AKAP8: variants seen among roughly 807,000 people sequenced by gnomAD.
AKAP8 encodes A-kinase anchor protein 8.
In AKAP8, 24 loss-of-function variants were observed where a neutral mutation model predicts 67.5. That is an observed-to-expected ratio of 0.36 (90% confidence interval 0.26 to 0.50). AKAP8 has a LOEUF of 0.50. Ranked by LOEUF, AKAP8 falls within the 20% of genes least tolerant of loss-of-function variation. The pLI is 0.97. For missense variants in AKAP8, 971 were observed against 955.9 expected (o/e 1.02, Z -0.21); for synonymous variants, 400 against 371.1 (o/e 1.08, Z -0.90).
chr19:15,359,210 A>G (rs749519685), intron 12 of AKAP8, 148 bp from the exon 13 acceptor site: 65 of 697,888 alleles, frequency 9.3e-5, no homozygotes, highest in Middle Eastern at 7.5e-4. Context: ...AGAAGGCTCC[A>G]GAGACTGTGC....
At chr19:15,376,200 G>A (rs1041381467) in intron 2 of AKAP8, among the ~76,000 whole-genome samples, 2 of 152,182 alleles carry the variant, frequency 1.3e-5, no homozygotes, top group African/African-American at 2.4e-5. Context: ...GATTGCAGGC[G>A]TGTGCTGCCT....
chr19:15,371,632 G>T (rs891520733), intron 7 of AKAP8, among the ~76,000 whole-genome samples: 1 of 151,950 alleles, frequency 6.6e-6, no homozygotes, highest in South Asian at 2.1e-4. Flanking sequence ...GCTACTACAG[G>T]CAAGTGCCAC....
At chr19:15,378,442 T>TA (rs543309353) in intron 1 of AKAP8, among the ~76,000 whole-genome samples, 20 of 150,410 alleles carry the variant, frequency 1.3e-4, no homozygotes, top group Non-Finnish European at 1.9e-4. Context: ...GAAGAGGGGG[T>TA]AAAAAAAACC....
At position 15,361,816 on chromosome 19, in the gene AKAP8, T is replaced by C; in HGVS notation, c.1309A>G (p.Ile437Val). 2 of 1,613,614 alleles carry C rather than the reference T, an allele frequency of 1.2e-6. No individual in the cohort carries two copies. Among genetic ancestry groups the C allele is most frequent in the Non-Finnish European group, 1.7e-6 (2 of 1,179,536 alleles). Residue 437 changes from isoleucine (I) to valine (V), a missense_variant, in exon 11 of 14, where the codon ATT (isoleucine) becomes GTT (valine). Around this residue, in one of 3 missense-constraint regions of AKAP8, gnomAD observed 763 missense variants for 745.4 expected, o/e 1.02. Coordinates refer to ENST00000269701, the MANE Select transcript of AKAP8 (RefSeq NM_005858.4). ...TCAATTTTCTTATTTCTGTTTACAA[T>C]GTATTCCTAGGTGGGATTGGAGAGG... The part of the protein sequence containing the change: ...DKTVEFLQEY[I>V]VNRNKKIEKR...
At position 15,373,809 on chromosome 19, in the gene AKAP8, C is replaced by G; in HGVS notation, c.348G>C (p.Gly116=). The G allele has an allele frequency of 6.2e-7, 1 of 1,610,542 alleles. No homozygotes were observed. The change falls in exon 4 of 14, where the codon GGG becomes GGC. Residue 116 remains glycine, a synonymous_variant. Coordinates refer to ENST00000269701, the MANE Select transcript of AKAP8 (RefSeq NM_005858.4). ...ACCTCTCCCGGTCCTGTATGCCCTC[C>G]CCACCGCCGCCGCTCCCGCCCCTGC... is the stretch of plus-strand genomic sequence containing the variant. ...EGGRGGSGGG[G]EGIQDRESSF... is the part of the protein sequence containing the mutation.
rs1008821242 is a variant in AKAP8 at position 15,354,168 on chromosome 19, A to G, written c.*747T>C. ...CTGGCCAAATTCTCTTTGTAAATAC[A>G]TTTGAGTGGTAGTAACTAATTTTAA... On this transcript the variant is annotated 3_prime_UTR_variant, in exon 14 of 14. Coordinates refer to ENST00000269701, the MANE Select transcript of AKAP8 (RefSeq NM_005858.4). 2 of 152,088 alleles carry G rather than the reference A, an allele frequency of 1.3e-5. No homozygotes were observed. Among genetic ancestry groups the G allele is most frequent in the Admixed American group, 6.6e-5 (1 of 15,218 alleles). The allele number at this position is 152,088 out of a possible 1,614,324, so 9.4% of individuals were successfully genotyped here.
In AKAP8 at chr19:15,371,491, C is replaced by CT. The variant is rs969928262; in HGVS notation, c.1038+460dup. Among the ~76,000 whole-genome samples, 1,216 of 144,032 alleles carry CT rather than the reference C, an allele frequency of 8.4e-3. 10 individuals carry two copies. Among genetic ancestry groups the CT allele is most frequent in the African/African-American group, 0.016 (612 of 39,434 alleles). The allele number at this position is 144,032 out of a possible 152,430, so 94.5% of individuals were successfully genotyped here. A position where few individuals can be genotyped will look rare whatever the true frequency, so the allele number is the denominator to read the frequency against. On this transcript the variant is annotated intron_variant, in intron 7 of 13. Coordinates refer to ENST00000269701, the MANE Select transcript of AKAP8 (RefSeq NM_005858.4). ...AGGAATGTTTGTTGTAAGTTGAAAA[C>CT]TTTTTTTTTTTTTTTGAGACGGAGT...
At chr19:15,374,559 G>T in intron 3 of AKAP8, 44 bp downstream of exon 3, 7 of 1,604,264 alleles carry the variant, frequency 4.4e-6, no homozygotes, top group Non-Finnish European at 6.0e-6. Flanking sequence ...TCAGATCAGA[G>T]GCCCACTTGC....
rs933036638 is a variant in AKAP8 at position 15,368,247 on chromosome 19, C to T, written c.1148G>A (p.Arg383His). Residue 383 changes from arginine to histidine, a missense_variant, in exon 9 of 14, where the codon CGT becomes CAT. By Grantham distance (29) the Arg-to-His change is conservative. This residue lies in a region of AKAP8 where 763 missense variants were observed against 745.4 expected (regional missense o/e 1.02). Transcript: ENST00000269701. Reference sequence around the variant, plus strand: ...GCCCGCGCCTCACCTGTCGGCTGCACGGTCCCGCGTCCTGTCTCTTCTCCT... The same window carrying T: ...GCCCGCGCCTCACCTGTCGGCTGCATGGTCCCGCGTCCTGTCTCTTCTCCT... ...KQRRRDRTRD[R>H]AADRIQFACS... 3.1e-5 allele frequency: 50 copies of T among 1,612,314 alleles called. No individual in the cohort carries two copies. Among genetic ancestry groups the T allele is most frequent in the Non-Finnish European group, 3.9e-5 (46 of 1,179,934 alleles).
chr19:15,371,815 T>A (rs1311063179), intron 7 of AKAP8, 137 bp downstream of exon 7: 2 of 976,226 alleles, frequency 2.0e-6, no homozygotes, highest in East Asian at 5.3e-5. Flanking sequence ...GAAATCTAGC[T>A]AAAAGTCAGG....
chr19:15,371,255 G>A (rs1286154004), intron 7 of AKAP8, among the ~76,000 whole-genome samples: 2 of 152,146 alleles, frequency 1.3e-5, no homozygotes, highest in African/African-American at 4.8e-5. Context: ...CTCCCCAAGA[G>A]CTTGGGGTGG....
Position 15,369,684 on chromosome 19 carries a change from A to T in AKAP8, c.1072+462T>A, listed in dbSNP as rs1038644642. On this transcript the variant is annotated intron_variant, in intron 8 of 13. Coordinates refer to ENST00000269701, the MANE Select transcript of AKAP8 (RefSeq NM_005858.4). The surrounding 1 kb of genome is among the most constrained non-coding windows in gnomAD (Gnocchi z 4.6). ...TGTCACACACTCGCAGGCACGAAGC[A>T]ATGTGCAGTGCAGCTGCCAGTATCC... 5.9e-5 allele frequency among the ~76,000 whole-genome samples: 9 copies of T among 152,186 alleles called. No individual in the cohort carries two copies. Among genetic ancestry groups the T allele is most frequent in the Non-Finnish European group, 1.3e-4 (9 of 68,018 alleles).
In AKAP8 at chr19:15,354,639, A is replaced by C. The variant is rs2048265109; in HGVS notation, c.*276T>G. 1 of 473,114 alleles carries C rather than the reference A, an allele frequency of 2.1e-6. No individual in the cohort carries two copies. Among genetic ancestry groups the C allele is most frequent in the Non-Finnish European group, 3.8e-6 (1 of 265,568 alleles). 29.3% of individuals were successfully genotyped at this position (473,114 alleles called of 1,614,324 possible). On this transcript the variant is annotated 3_prime_UTR_variant, in exon 14 of 14. Transcript: ENST00000269701. ...AGTAATGTATCATCAAGATATAATC[A>C]CCCAACCTTTATTATTCCAAGTGCA...
chr19:15,359,692 G>A (rs747561472), intron 12 of AKAP8, among the ~76,000 whole-genome samples: 1 of 151,458 alleles, frequency 6.6e-6, no homozygotes, highest in Non-Finnish European at 1.5e-5. Flanking sequence ...GGGCAATGGA[G>A]TGAGACTCTG....
chr19:15,355,181 C>T lies in AKAP8; in HGVS notation c.1813G>A (p.Glu605Lys). ...PAPESSGEPA[E>K]DEGPTDTAEA... ...GCTGTGTCCGTGGGGCCTTCGTCCT[C>T]AGCCGGCTCCCCGCTGCTCTCTGGA... Residue 605 changes from glutamate (E) to lysine (K), a missense_variant, in exon 14 of 14, where the codon GAG (glutamate) becomes AAG (lysine). Coordinates refer to ENST00000269701, the MANE Select transcript of AKAP8 (RefSeq NM_005858.4). The T allele has an allele frequency of 6.2e-7, 1 of 1,612,206 alleles. No individual in the cohort carries two copies. The highest frequency in any genetic ancestry group is 8.5e-7 in the Non-Finnish European group (1 of 1,180,030).
chr19:15,372,741 C>A, intron 5 of AKAP8, 110 bp downstream of exon 5: 16 of 1,352,204 alleles, frequency 1.2e-5, no homozygotes, highest in Non-Finnish European at 1.4e-5. Context: ...AAAAGTCGAA[C>A]TGCGCACTTA....
chr19:15,368,118 G>C, intron 9 of AKAP8, 117 bp downstream of exon 9: 1 of 1,367,878 alleles, frequency 7.3e-7, no homozygotes, highest in Middle Eastern at 1.9e-4. Flanking sequence ...CACTGGTTTG[G>C]CCAGAGGAGT....
Position 15,355,341 on chromosome 19 carries a change from AAC to A in AKAP8, c.1651_1652del (p.Val551Ter), listed in dbSNP as rs1475468070. ...KGEDPFTSET[V>X]DPEMEGDDNL... ...TGTCATCTCCTTCCATTTCTGGATCAACAGTTTCACTGGTGAAAGGGTCCTCA... is the reference window on the plus strand; with the variant it reads ...TGTCATCTCCTTCCATTTCTGGATCAAGTTTCACTGGTGAAAGGGTCCTCA... On this transcript the variant is annotated frameshift_variant, in exon 14 of 14. Transcript: ENST00000269701. LOFTEE classifies it low-confidence loss of function (END_TRUNC). 2.5e-6 allele frequency: 4 copies of A among 1,613,630 alleles called. No individual in the cohort carries two copies. Among genetic ancestry groups the A allele is most frequent in the Non-Finnish European group, 3.4e-6 (4 of 1,179,954 alleles).
rs778397344 is a variant in AKAP8 at position 15,373,079 on chromosome 19, C to G, written c.633G>C (p.Val211=). The G allele has an allele frequency of 4.2e-5, 68 of 1,610,802 alleles. No homozygotes were observed. The highest frequency in any genetic ancestry group is 1.2e-4 in the Admixed American group (7 of 59,774). Residue 211 remains valine, a synonymous_variant, in exon 5 of 14, where the codon GTG becomes GTC. Coordinates refer to ENST00000269701, the MANE Select transcript of AKAP8 (RefSeq NM_005858.4). ...GGGGCTCAGAGGACGCAGCGGGGGG[C>G]ACGAAGGGGTCGCTGCGCATGAAGG... The part of the protein sequence containing the change: ...PGTFMRSDPF[V]PPAASSEPLS...
Sources: gnomAD v4.1 joint callset for allele counts (sites outside exome capture counted in the v4.1 genomes callset) on GRCh38, gnomAD v4.1.1 for gene constraint, gnomAD v4.1.1 regional missense constraint, Gnocchi (gnomAD v3.1) non-coding constraint, MANE v1.5 for transcripts, NCBI Gene and HGNC (gene_info 2026-07-23, HGNC 2026-07-21) for gene names.